The following KCNQ1 variants were observed in gnomAD, a reference collection of about 807,000 sequenced individuals.
The protein encoded by KCNQ1 is potassium voltage-gated channel subfamily Q member 1.
KCNQ1 carries 49 observed loss-of-function variants against 72.4 expected under a neutral mutation model. The ratio of observed to expected loss-of-function variants is 0.68; its 90% confidence interval spans 0.54 to 0.86. KCNQ1 has a LOEUF of 0.86. Ranked by LOEUF, KCNQ1 falls within the 40% of genes least tolerant of loss-of-function variation. The pLI is 0.00. For missense variants in KCNQ1, 790 were observed against 945.1 expected (o/e 0.84, Z 2.15); for synonymous variants, 450 against 412.6 (o/e 1.09, Z -1.10).
intron 15 of KCNQ1, among the ~76,000 whole-genome samples, chr11:2,825,412 G>A (rs1003326619): frequency 2.0e-5 from 3 of 152,224 alleles, no homozygotes; most frequent in African/African-American, 2.4e-5. Context: ...CAGGGGCCCC[G>A]GGTGCTGGAA....
chr11:2,581,931 C>T (rs548724057), intron 6 of KCNQ1, among the ~76,000 whole-genome samples: 3 of 152,314 alleles, frequency 2.0e-5, no homozygotes, highest in East Asian at 3.9e-4. Flanking sequence ...GGGAGAGCTC[C>T]GTGTGCAGCT....
chr11:2,638,409 G>T (rs1849514793), intron 10 of KCNQ1: 1 of 152,088 alleles, frequency 6.6e-6, no homozygotes, highest in South Asian at 2.1e-4. Context: ...GTCTATAAAG[G>T]ATTTTATTTC....
At chr11:2,738,248 G>A (rs1845991676) in intron 11 of KCNQ1, among the ~76,000 whole-genome samples, 2 of 151,994 alleles carry the variant, frequency 1.3e-5, no homozygotes, top group Admixed American at 6.5e-5. Context: ...CTGAGCCCAG[G>A]GGGAGGCAGG....
rs983328594 is a variant in KCNQ1 at position 2,543,375 on chromosome 11, A to T, written c.477+15357A>T. 2.6e-5 allele frequency among the ~76,000 whole-genome samples: 4 copies of T among 151,944 alleles called. No homozygotes were observed. Among genetic ancestry groups the T allele is most frequent in the Non-Finnish European group, 5.9e-5 (4 of 67,988 alleles). On this transcript the variant is annotated intron_variant, in intron 2 of 15. Coordinates refer to ENST00000155840, the MANE Select transcript of KCNQ1 (RefSeq NM_000218.3). This position sits in a 1 kb window ranked among gnomAD's most constrained non-coding sequence, Gnocchi z 5.6. ...TGCAACCTCGAATTCCTGGGCTCCG[A>T]GGATCCTCCCACCTCAGCCTCCCAA...
rs1846523787 is a variant in KCNQ1 at position 2,767,721 on chromosome 11, C to T, written c.1515-1123C>T. 1.3e-5 allele frequency among the ~76,000 whole-genome samples: 2 copies of T among 152,200 alleles called. No individual in the cohort carries two copies. The highest frequency in any genetic ancestry group is 2.1e-4 in the South Asian group (1 of 4,834). ...ACCCCAAAGCTTCTCTCCACAGTGC[C>T]ATGCGTCTACTGAGTACTCTGCTTA... On this transcript the variant is annotated intron_variant, in intron 11 of 15. Coordinates refer to ENST00000155840, the MANE Select transcript of KCNQ1 (RefSeq NM_000218.3). This position sits in a 1 kb window ranked among gnomAD's most constrained non-coding sequence, Gnocchi z 4.6.
chr11:2,540,522 A>C (rs1256842107), intron 2 of KCNQ1, among the ~76,000 whole-genome samples: 2 of 152,218 alleles, frequency 1.3e-5, no homozygotes, highest in Non-Finnish European at 2.9e-5. Context: ...TGACTGGGGT[A>C]CCTGGGGCCA....
In KCNQ1 at chr11:2,703,591, TA is replaced by T. The variant is rs1277357997; in HGVS notation, c.1514+41511del. Among the ~76,000 whole-genome samples the T allele has an allele frequency of 6.6e-6, 1 of 151,612 alleles. No individual in the cohort carries two copies. The highest frequency in any genetic ancestry group is 2.4e-5 in the African/African-American group (1 of 41,236). ...GGTATTTAGAGTGGGGGTGGGGGAT[TA>T]GGGGAGGAAGTTGCTGAGCTAATTC... On this transcript the variant is annotated intron_variant, in intron 11 of 15. Transcript: ENST00000155840. The surrounding 1 kb of genome is among the most constrained non-coding windows in gnomAD (Gnocchi z 6.4).
rs535048769 is a variant in KCNQ1, at chr11:2,769,295, G to T, written c.1590+376G>T. On this transcript the variant is annotated intron_variant, in intron 12 of 15. Coordinates refer to ENST00000155840, the MANE Select transcript of KCNQ1 (RefSeq NM_000218.3). This position sits in a 1 kb window ranked among gnomAD's most constrained non-coding sequence, Gnocchi z 4.6. ...TCAGAGATGGTGCGGAGCCTGCCCT[G>T]AGTCACCAAGCTGGGAAGGCAGGTC... Among the ~76,000 whole-genome samples the T allele has an allele frequency of 6.6e-6, 1 of 152,302 alleles. No homozygotes were observed. The highest frequency in any genetic ancestry group is 2.4e-5 in the African/African-American group (1 of 41,560).
At chr11:2,798,333 G>A (rs913195652) in intron 15 of KCNQ1, among the ~76,000 whole-genome samples, 2 of 152,158 alleles carry the variant, frequency 1.3e-5, no homozygotes, top group African/African-American at 4.8e-5. Context: ...GACCTAGCTA[G>A]TTGCCAACCA....
chr11:2,710,528 G>A lies in KCNQ1; in HGVS notation c.1514+48447G>A, dbSNP rs1850985248. Reference sequence around the variant, plus strand: ...CTTTCTTTGGATGCTTATGTTTTTGGTGTCATAACTAAATAACAACATGTA... The same window carrying A: ...CTTTCTTTGGATGCTTATGTTTTTGATGTCATAACTAAATAACAACATGTA... On this transcript the variant is annotated intron_variant, in intron 11 of 15. Transcript: ENST00000155840. This position sits in a 1 kb window ranked among gnomAD's most constrained non-coding sequence, Gnocchi z 4.1. Among the ~76,000 whole-genome samples the A allele has an allele frequency of 1.3e-5, 2 of 151,962 alleles. No individual in the cohort carries two copies. The highest frequency in any genetic ancestry group is 4.8e-5 in the African/African-American group (2 of 41,340).
chr11:2,674,057 G>A lies in KCNQ1; in HGVS notation c.1514+11976G>A, dbSNP rs963274651. 15 of 398,548 alleles carry A rather than the reference G, an allele frequency of 3.8e-5. No homozygotes were observed. The highest frequency in any genetic ancestry group is 6.2e-5 in the Non-Finnish European group (14 of 226,110). 24.7% of individuals were successfully genotyped at this position (398,548 alleles called of 1,614,324 possible). On this transcript the variant is annotated intron_variant, in intron 11 of 15. Transcript: ENST00000155840. The surrounding 1 kb of genome is among the most constrained non-coding windows in gnomAD (Gnocchi z 5.9). ...GTGCAGCCCCTCATTTGTACTTGCT[G>A]GCTGCCCCATGGGGGCTTGGGCTAG... is the stretch of plus-strand genomic sequence containing the variant.
At position 2,463,660 on chromosome 11, in the gene KCNQ1, G is replaced by T. The variant is rs748542115; in HGVS notation, c.386+18176G>T. Reference sequence around the variant, plus strand: ...GTGTACTCCCTGTGCTGGGCACTGCGCTGAGCTCAACACACAGGGGCTCGG... The same window carrying T: ...GTGTACTCCCTGTGCTGGGCACTGCTCTGAGCTCAACACACAGGGGCTCGG... On this transcript the variant is annotated intron_variant, in intron 1 of 15. Coordinates refer to ENST00000155840, the MANE Select transcript of KCNQ1 (RefSeq NM_000218.3). This position sits in a 1 kb window ranked among gnomAD's most constrained non-coding sequence, Gnocchi z 7.0. 3.3e-5 allele frequency among the ~76,000 whole-genome samples: 5 copies of T among 152,166 alleles called. No homozygotes were observed. The highest frequency in any genetic ancestry group is 3.3e-4 in the Admixed American group (5 of 15,284).
chr11:2,598,666 C>T lies in KCNQ1; in HGVS notation c.1393+9812C>T, dbSNP rs1483500578. Among the ~76,000 whole-genome samples, 1 of 151,354 alleles carries T rather than the reference C, an allele frequency of 6.6e-6. No individual in the cohort carries two copies. Among genetic ancestry groups the T allele is most frequent in the Admixed American group, 6.6e-5 (1 of 15,188 alleles). On this transcript the variant is annotated intron_variant, in intron 10 of 15. Coordinates refer to ENST00000155840, the MANE Select transcript of KCNQ1 (RefSeq NM_000218.3). The surrounding 1 kb of genome is among the most constrained non-coding windows in gnomAD (Gnocchi z 6.2). ...TTCTGAGACAGGAAAATTAAATCTT[C>T]CTGTACAATTATGTTTCTAAAAATT...
At chr11:2,804,286 C>T (rs923289826) in intron 15 of KCNQ1, among the ~76,000 whole-genome samples, 4 of 152,176 alleles carry the variant, frequency 2.6e-5, no homozygotes, top group African/African-American at 9.7e-5. Context: ...AGGCCTCCTG[C>T]AACGTCATTT....
chr11:2,842,489 A>C (rs1310533938), intron 15 of KCNQ1, among the ~76,000 whole-genome samples: 1 of 152,226 alleles, frequency 6.6e-6, no homozygotes, highest in Non-Finnish European at 1.5e-5. Context: ...TGGCACACAC[A>C]AAGGCCCAGG....
intron 11 of KCNQ1, among the ~76,000 whole-genome samples, chr11:2,761,188 C>T (rs566586245): frequency 5.3e-5 from 8 of 152,022 alleles, no homozygotes; most frequent in African/African-American, 1.2e-4. Context: ...TGGCATCAGG[C>T]GGCTCAGCAG....
At position 2,645,939 on chromosome 11, in the gene KCNQ1, T is replaced by G. The variant is rs1237623330; in HGVS notation, c.1394-16022T>G. On this transcript the variant is annotated intron_variant, in intron 10 of 15. Transcript: ENST00000155840. The surrounding 1 kb of genome is among the most constrained non-coding windows in gnomAD (Gnocchi z 5.8). ...GTCTGTAGGTAGCCTCTTGTTAGTC[T>G]CAAGGCATCTATGGGTCAGGGGGTT... 1.0e-5 allele frequency: 4 copies of G among 398,478 alleles called. No homozygotes were observed. In the East Asian group the frequency reaches 1.4e-4, roughly 14 times the overall value. 24.7% of individuals were successfully genotyped at this position (398,478 alleles called of 1,614,324 possible).
intron 15 of KCNQ1, among the ~76,000 whole-genome samples, chr11:2,792,916 T>G (rs1847058071): frequency 1.6e-5 from 1 of 61,848 alleles, no homozygotes; most frequent in Non-Finnish European, 3.1e-5. Context: ...GTCCCCCACA[T>G]AGGTGTCAAA....
chr11:2,650,647 A>G (rs1185622535), intron 10 of KCNQ1: 1 of 398,530 alleles, frequency 2.5e-6, no homozygotes, highest in African/African-American at 2.1e-5. Flanking sequence ...AACTACCTTC[A>G]AACTTTTTGA....
Sources: gnomAD v4.1 joint callset for allele counts (sites outside exome capture counted in the v4.1 genomes callset) on GRCh38, gnomAD v4.1.1 for gene constraint, Gnocchi (gnomAD v3.1) non-coding constraint, MANE v1.5 for transcripts, NCBI Gene and HGNC (gene_info 2026-07-23, HGNC 2026-07-21) for gene names.